LRP2: variants seen among roughly 807,000 people sequenced by gnomAD.
The protein encoded by LRP2 is LDL receptor related protein 2.
Under a neutral mutation model 531.0 loss-of-function variants are expected in LRP2, and 172 were observed. The ratio of observed to expected loss-of-function variants is 0.32; its 90% CI spans 0.29 to 0.37. LRP2 has a LOEUF of 0.37. LRP2 is among the 10% of genes least tolerant of loss of function. LRP2 has a pLI of 1.00. For synonymous variants in LRP2, 1,992 were observed against 2,027.6 expected, an observed-to-expected ratio of 0.98 and a Z score of 0.47; for missense variants, 5,167 against 5,868.3, an observed-to-expected ratio of 0.88 and a Z score of 3.90.
intron 52 of LRP2, among the ~76,000 whole-genome samples, chr2:169,180,894 C>G (rs564852762): frequency 2.0e-5 from 3 of 152,054 alleles, no homozygotes; most frequent in Non-Finnish European, 4.4e-5. Context: ...TTTTATTGAA[C>G]AGTATATTTA....
intron 1 of LRP2, among the ~76,000 whole-genome samples, chr2:169,335,520 C>G (rs1685379525): frequency 6.6e-6 from 1 of 152,240 alleles, no homozygotes; most frequent in Middle Eastern, 3.4e-3. Context: ...AAAAGTTTTC[C>G]ATTCAAAAAG....
At position 169,154,536 on chromosome 2, in the gene LRP2, C is replaced by A; in HGVS notation, c.12219G>T (p.Arg4073Ser). The change falls in exon 66 of 79, where the codon AGG becomes AGT. Residue 4073 changes from arginine to serine, a missense_variant. Physicochemically the swap from Arg to Ser is moderately radical, Grantham distance 110 (BLOSUM62 -1). Around this residue, in one of 6 missense-constraint regions of LRP2, gnomAD observed 564 missense variants for 747.7 expected, o/e 0.75. Coordinates refer to ENST00000649046, the MANE Select transcript of LRP2 (RefSeq NM_004525.3). Reference protein sequence around the residue: ...RIRKYNLSSERFSEYLQDEEY... With the variant: ...RIRKYNLSSESFSEYLQDEEY... ...CCTCATCTTGAAGATACTCTGAGAA[C>A]CTCTCAGATGAGAGATTATATTTTC... The A allele has an allele frequency of 6.2e-7, 1 of 1,607,756 alleles. No homozygotes were observed. The highest frequency in any genetic ancestry group is 8.5e-7 in the Non-Finnish European group (1 of 1,174,330).
chr2:169,225,239 C>A lies in LRP2; in HGVS notation c.5538+71G>T, dbSNP rs1374361297. ...AATGATTCCAAAATCCACGTGAGAT[C>A]TATTCCTGAGACTAGAGTTTACATC... On this transcript the variant is annotated intron_variant, in intron 33 of 78. Coordinates refer to ENST00000649046, the MANE Select transcript of LRP2 (RefSeq NM_004525.3). The A allele has an allele frequency of 2.0e-6, 3 of 1,499,952 alleles. No individual in the cohort carries two copies. The African/African-American group carries it at 4.1e-5, about 21-fold the overall frequency. The allele number at this position is 1,499,952 out of a possible 1,614,324, so 92.9% of individuals were successfully genotyped here. A position where few individuals can be genotyped will look rare whatever the true frequency, so the allele number is the denominator to read the frequency against.
intron 38 of LRP2, 84 bp from the exon 39 acceptor site, chr2:169,207,334 A>T: frequency 1.1e-6 from 1 of 950,098 alleles, no homozygotes; most frequent in South Asian, 1.4e-5. Flanking sequence ...AGAACAAAAT[A>T]TATAAGGTTG....
intron 1 of LRP2, among the ~76,000 whole-genome samples, chr2:169,349,832 A>T (rs912189090): frequency 6.6e-6 from 1 of 152,020 alleles, no homozygotes; most frequent in Non-Finnish European, 1.5e-5. Context: ...CTTTCCCTTC[A>T]CACGCATTGA....
chr2:169,306,336 C>T (rs1438634374), intron 4 of LRP2, among the ~76,000 whole-genome samples: 1 of 152,052 alleles, frequency 6.6e-6, no homozygotes, highest in Non-Finnish European at 1.5e-5. Context: ...AAGTTCAACA[C>T]CAGCCTGACC....
At chr2:169,304,482 A>T (rs567160053) in intron 4 of LRP2, among the ~76,000 whole-genome samples, 1 of 152,214 alleles carries the variant, frequency 6.6e-6, no homozygotes, top group Non-Finnish European at 1.5e-5. Context: ...TAATGCTCTG[A>T]AATTTATAAA....
At chr2:169,144,235 C>T (rs1000086578) in intron 70 of LRP2, among the ~76,000 whole-genome samples, 1 of 152,152 alleles carries the variant, frequency 6.6e-6, no homozygotes, top group Non-Finnish European at 1.5e-5. Context: ...TCTTAGGCCA[C>T]CTCAGGCATA....
At position 169,185,727 on chromosome 2, in the gene LRP2, G is replaced by GT; in HGVS notation, c.9620dup (p.Tyr3207Ter). 1 of 1,613,848 alleles carries GT rather than the reference G, an allele frequency of 6.2e-7. No individual in the cohort carries two copies. Among genetic ancestry groups the GT allele is most frequent in the Non-Finnish European group, 8.5e-7 (1 of 1,179,992 alleles). Residue 3207 changes from tyrosine (Y) to a stop codon, truncating the protein, a stop_gained and frameshift_variant, in exon 50 of 79, where the codon TAC (tyrosine) becomes TAAC (stop). Transcript: ENST00000649046. LOFTEE classifies it high-confidence loss of function. ...IEPYLIFSNRYYLRNLTIDGY... is the reference protein window; with the variant it reads ...IEPYLIFSNR ...CATCTATAGTTAAATTTCTCAAATA[G>GT]TAACGGTTGCTAAAAATGAGATAGG...
At chr2:169,207,381 A>T (rs1688435119) in intron 38 of LRP2, 131 bp from the exon 39 acceptor site, 8 of 703,054 alleles carry the variant, frequency 1.1e-5, no homozygotes, top group Admixed American at 2.2e-5. Context: ...TTCCAAGATG[A>T]TAGTGTCCCA....
intron 62 of LRP2, among the ~76,000 whole-genome samples, chr2:169,163,725 A>C (rs1686671450): frequency 6.6e-6 from 1 of 152,132 alleles, no homozygotes; most frequent in Admixed American, 6.5e-5. Flanking sequence ...GGAAAAAAAA[A>C]CAAAAAACAA....
chr2:169,134,991 C>T (rs1685444676), intron 76 of LRP2, among the ~76,000 whole-genome samples: 1 of 152,198 alleles, frequency 6.6e-6, no homozygotes, highest in Non-Finnish European at 1.5e-5. Context: ...TCACTCCCAC[C>T]TAGTCCCCCG....
At chr2:169,342,712 T>C (rs754414468) in intron 1 of LRP2, among the ~76,000 whole-genome samples, 5 of 152,174 alleles carry the variant, frequency 3.3e-5, no homozygotes, top group African/African-American at 9.7e-5. Flanking sequence ...ACTTCTATTA[T>C]AGACCTCTCA....
intron 46 of LRP2, among the ~76,000 whole-genome samples, chr2:169,196,289 A>T (rs1450699494): frequency 1.3e-5 from 2 of 152,232 alleles, no homozygotes; most frequent in African/African-American, 4.8e-5. Context: ...TGATTTATTG[A>T]CAGGTTTTTT....
intron 4 of LRP2, among the ~76,000 whole-genome samples, chr2:169,305,142 G>A (rs1032922529): frequency 6.6e-6 from 1 of 152,174 alleles, no homozygotes; most frequent in Non-Finnish European, 1.5e-5. Context: ...TAGGAACTCT[G>A]CTAGGAAATG....
At chr2:169,136,037 C>G (rs1685494206) in intron 76 of LRP2, among the ~76,000 whole-genome samples, 1 of 152,190 alleles carries the variant, frequency 6.6e-6, no homozygotes, top group Non-Finnish European at 1.5e-5. Flanking sequence ...TGGGCACTCT[C>G]TAATTAGATG....
At chr2:169,145,998 C>G in intron 69 of LRP2, 75 bp from the exon 70 acceptor site, 1 of 1,292,176 alleles carries the variant, frequency 7.7e-7, no homozygotes, top group South Asian at 1.2e-5. Flanking sequence ...ACCGCCACTT[C>G]TAGATCTGAT....
chr2:169,235,747 CA>C, intron 29 of LRP2, 92 bp downstream of exon 29: 2 of 993,876 alleles, frequency 2.0e-6, no homozygotes, highest in South Asian at 2.7e-5. Flanking sequence ...GTCTATGACA[CA>C]AAAATTAATT....
intron 4 of LRP2, among the ~76,000 whole-genome samples, chr2:169,298,650 C>T (rs1017033863): frequency 1.3e-5 from 2 of 152,084 alleles, no homozygotes; most frequent in African/African-American, 4.8e-5. Context: ...GTCAGTTTCC[C>T]ATCCACATTA....
Sources: allele counts gnomAD v4.1 joint callset (sites outside exome capture counted in the v4.1 genomes callset), GRCh38; gene constraint gnomAD v4.1.1; regional missense constraint gnomAD v4.1.1; transcripts MANE v1.5; gene names NCBI Gene and HGNC (gene_info 2026-07-23, HGNC 2026-07-21).